CHD9: variants seen among roughly 807,000 people sequenced by gnomAD.
The protein encoded by CHD9 is chromodomain helicase DNA binding protein 9.
A neutral mutation model predicts 316.1 loss-of-function variants in CHD9; 77 were observed. The ratio of observed to expected loss-of-function variants is 0.24; its 90% confidence interval spans 0.20 to 0.29. The LOEUF (loss-of-function observed/expected upper bound fraction) is 0.29. CHD9 is among the 10% of genes least tolerant of loss of function. CHD9 has a pLI of 1.00. For missense variants in CHD9, 2,763 were observed against 3,438.1 expected, an observed-to-expected ratio of 0.80 and a Z score of 4.91; for synonymous variants, 1,129 against 1,158.3, an observed-to-expected ratio of 0.97 and a Z score of 0.51.
chr16:53,311,098 A>T (rs2056438863), intron 34 of CHD9: 1 of 151,218 alleles, frequency 6.6e-6, no homozygotes, highest in South Asian at 2.1e-4. Flanking sequence ...AGGTGGAAGG[A>T]TCACTTGATC....
intron 1 of CHD9, among the ~76,000 whole-genome samples, chr16:53,132,862 G>A (rs1319222219): frequency 7.3e-6 from 1 of 137,472 alleles, no homozygotes; most frequent in East Asian, 2.3e-4. Context: ...AGGCTGGAGC[G>A]CAGTGACGCC....
chr16:53,208,377 G>GGA (rs2046049866), intron 2 of CHD9: 1 of 1,277,818 alleles, frequency 7.8e-7, no homozygotes, highest in African/African-American at 1.5e-5. Context: ...AGTGGGAGGA[G>GGA]GAGGGGTTCT....
chr16:53,180,957 G>A (rs2043460236), intron 2 of CHD9, among the ~76,000 whole-genome samples: 1 of 151,624 alleles, frequency 6.6e-6, no homozygotes, highest in Non-Finnish European at 1.5e-5. Flanking sequence ...TTACAGGCGT[G>A]AGCCACCTCG....
chr16:53,202,392 C>T (rs2045533712), intron 2 of CHD9, among the ~76,000 whole-genome samples: 1 of 151,210 alleles, frequency 6.6e-6, no homozygotes, highest in African/African-American at 2.4e-5. Context: ...GTTTCTCTCT[C>T]TCTCTTTTTT....
rs549516885 is a variant in CHD9 at position 53,130,389 on chromosome 16, C to T, written c.-164-25537C>T. Among the ~76,000 whole-genome samples the T allele has an allele frequency of 2.6e-5, 4 of 152,024 alleles. No homozygotes were observed. The South Asian group carries it at 8.3e-4, about 31-fold the overall frequency. On this transcript the variant is annotated intron_variant, in intron 1 of 38. Transcript: ENST00000447540. ...CGGACCCGAGCTGCCCGAGAGATGCCCTGCATGTGAGTGACCTCTGCGCCG... is the reference window on the plus strand; with the variant it reads ...CGGACCCGAGCTGCCCGAGAGATGCTCTGCATGTGAGTGACCTCTGCGCCG...
intron 20 of CHD9, among the ~76,000 whole-genome samples, chr16:53,264,249 A>G (rs1364203198): frequency 1.3e-5 from 2 of 152,108 alleles, no homozygotes. Flanking sequence ...AATAATTTTA[A>G]ATTTTTTTGG....
intron 1 of CHD9, among the ~76,000 whole-genome samples, chr16:53,147,468 T>A (rs189149244): frequency 2.6e-5 from 4 of 152,360 alleles, no homozygotes; most frequent in Admixed American, 6.5e-5. Flanking sequence ...GCCATTTTTT[T>A]ATCATCTCAA....
At chr16:53,148,628 A>G (rs1299406981) in intron 1 of CHD9, among the ~76,000 whole-genome samples, 1 of 152,206 alleles carries the variant, frequency 6.6e-6, no homozygotes, top group Non-Finnish European at 1.5e-5. Flanking sequence ...CTCCTTGGAC[A>G]TTCCTGTATC....
At chr16:53,072,726 A>G (rs574716393) in intron 1 of CHD9, among the ~76,000 whole-genome samples, 134 of 151,600 alleles carry the variant, frequency 8.8e-4, no homozygotes, top group Non-Finnish European at 1.5e-3. Flanking sequence ...GACAGAGTCT[A>G]GCTCTTTGCC....
chr16:53,297,622 T>C (rs1016284071), intron 30 of CHD9, among the ~76,000 whole-genome samples: 1 of 152,180 alleles, frequency 6.6e-6, no homozygotes, highest in African/African-American at 2.4e-5. Context: ...AGCAGAGGCA[T>C]TGATGCAACT....
At position 53,204,066 on chromosome 16, in the gene CHD9, C is replaced by T. The variant is rs201533266; in HGVS notation, c.1453-5416C>T. Among the ~76,000 whole-genome samples, 387 of 82,610 alleles carry T rather than the reference C, an allele frequency of 4.7e-3. 10 individuals are homozygous for T. The highest frequency in any genetic ancestry group is 0.014 in the African/African-American group (369 of 27,222). The allele number at this position is 82,610 out of a possible 152,430, so 54.2% of individuals were successfully genotyped here. A position where few individuals can be genotyped will look rare whatever the true frequency, so the allele number is the denominator to read the frequency against. On this transcript the variant is annotated intron_variant, in intron 2 of 38. Coordinates refer to ENST00000447540, the MANE Select transcript of CHD9 (RefSeq NM_001308319.2). ...AAAAAAAAATATATATATACACACA[C>T]ACACACACACACACACACACATTTA...
At chr16:53,073,164 C>G (rs2034250839) in intron 1 of CHD9, among the ~76,000 whole-genome samples, 1 of 152,204 alleles carries the variant, frequency 6.6e-6, no homozygotes. Flanking sequence ...GCCCTGGCAA[C>G]AGCCAATCTG....
At chr16:53,100,915 G>A (rs1009574992) in intron 1 of CHD9, among the ~76,000 whole-genome samples, 10 of 152,142 alleles carry the variant, frequency 6.6e-5, no homozygotes, top group South Asian at 2.1e-4. Flanking sequence ...CAGATGATGT[G>A]CATAAAACAT....
At chr16:53,170,537 C>T (rs1353290328) in intron 2 of CHD9, among the ~76,000 whole-genome samples, 1 of 150,720 alleles carries the variant, frequency 6.6e-6, no homozygotes, top group Non-Finnish European at 1.5e-5. Context: ...TTTTGATTGA[C>T]CTTGTAAAAT....
intron 17 of CHD9, among the ~76,000 whole-genome samples, chr16:53,252,453 A>G (rs1316886124): frequency 1.3e-5 from 2 of 152,200 alleles, no homozygotes; most frequent in South Asian, 2.1e-4. Context: ...AAAATTCTGG[A>G]AAATAACATT....
intron 1 of CHD9, among the ~76,000 whole-genome samples, chr16:53,089,219 G>A (rs1380558013): frequency 6.6e-6 from 1 of 152,120 alleles, no homozygotes; most frequent in African/African-American, 2.4e-5. Context: ...CCGGGAGGTC[G>A]AGACTGCAGT....
intron 1 of CHD9, among the ~76,000 whole-genome samples, chr16:53,058,783 C>G (rs567406498): frequency 1.3e-5 from 2 of 152,296 alleles, no homozygotes; most frequent in East Asian, 3.9e-4. Context: ...GCAACACCCC[C>G]CACCCTCCAA....
intron 1 of CHD9, among the ~76,000 whole-genome samples, chr16:53,091,787 C>T (rs2035964593): frequency 6.6e-6 from 1 of 152,154 alleles, no homozygotes; most frequent in South Asian, 2.1e-4. Context: ...GCAGTTATTT[C>T]TGTCCCTTCC....
intron 24 of CHD9, among the ~76,000 whole-genome samples, chr16:53,281,971 A>T (rs986973941): frequency 2.0e-5 from 3 of 152,074 alleles, no homozygotes; most frequent in Non-Finnish European, 4.4e-5. Context: ...TCTTTCTTTC[A>T]TTACAATTTA....
Sources: allele counts gnomAD v4.1 joint callset (sites outside exome capture counted in the v4.1 genomes callset), GRCh38; gene constraint gnomAD v4.1.1; transcripts MANE v1.5; gene names NCBI Gene and HGNC (gene_info 2026-07-23, HGNC 2026-07-21).